ALDOA: variants seen among roughly 807,000 people sequenced by gnomAD.
ALDOA encodes fructose-bisphosphate aldolase A.
A neutral mutation model predicts 43.9 loss-of-function variants in ALDOA; 26 were observed. The observed-to-expected ratio is 0.59, with a 90% confidence interval of 0.43 to 0.82. ALDOA has a LOEUF of 0.82. Among genes scored for constraint, ALDOA ranks in the 40% least tolerant of loss-of-function variants. The pLI is 0.00. For missense variants in ALDOA, 498 were observed against 549.5 expected, an observed-to-expected ratio of 0.91 and a Z score of 0.94; for synonymous variants, 258 against 222.6, an observed-to-expected ratio of 1.16 and a Z score of -1.42.
At position 30,067,256 on chromosome 16, in the gene ALDOA, T is replaced by C. The variant is rs373517060; in HGVS notation, c.164T>C (p.Met55Thr). 1 of 1,612,214 alleles carries C rather than the reference T, an allele frequency of 6.2e-7. No individual in the cohort carries two copies. The highest frequency in any genetic ancestry group is 1.3e-5 in the African/African-American group (1 of 74,860). ...LGKELATTST[M>T]PYQYPALTPE... ...CAGGAACTTGCTACTACCAGCACCATGCCCTACCAATATCCAGCACTGACC... is the reference window on the plus strand; with the variant it reads ...CAGGAACTTGCTACTACCAGCACCACGCCCTACCAATATCCAGCACTGACC... The change falls in exon 3 of 10, where the codon ATG becomes ACG. Residue 55 changes from methionine (M) to threonine (T), a missense_variant. Physicochemically the swap from Met to Thr is moderately conservative, Grantham distance 81. Coordinates refer to ENST00000642816, the MANE Select transcript of ALDOA (RefSeq NM_001243177.4).
intron 1 of ALDOA, 142 bp from the exon 2 acceptor site, chr16:30,066,743 T>G: frequency 1.1e-6 from 1 of 902,638 alleles, no homozygotes; most frequent in Non-Finnish European, 1.7e-6. Flanking sequence ...GGTTCTAATC[T>G]CAGATCTGGC....
chr16:30,069,302 G>A lies in ALDOA; in HGVS notation c.703-4G>A, dbSNP rs375097754. On this transcript the variant is annotated splice_polypyrimidine_tract_variant and splice_region_variant and intron_variant, in intron 6 of 9. Transcript: ENST00000642816. The stretch of plus-strand genomic sequence containing the variant: ...TCACAGTGACCCTGTCCCTCGCCCT[G>A]CAGAATGGCATTGTGCCCATCGTGG... 4 of 1,614,062 alleles carry A rather than the reference G, an allele frequency of 2.5e-6. No individual in the cohort carries two copies. The African/African-American group carries it at 5.3e-5, about 22-fold the overall frequency.
upstream of ALDOA, chr16:30,064,983 G>C (rs1452128920): frequency 6.5e-6 from 1 of 153,540 alleles, no homozygotes; most frequent in African/African-American, 2.4e-5. Context: ...GGCAGGAACT[G>C]TGACCCCGCA....
intron 3 of ALDOA, 37 bp downstream of exon 3, chr16:30,067,403 G>A: frequency 6.2e-7 from 1 of 1,614,032 alleles, no homozygotes; most frequent in Non-Finnish European, 8.5e-7. Context: ...AGGGTGCAGG[G>A]TTGGGAGTGG....
chr16:30,070,077 G>T, intron 9 of ALDOA, 40 bp from the exon 10 acceptor site: 2 of 1,613,514 alleles, frequency 1.2e-6, no homozygotes, highest in South Asian at 2.2e-5. Flanking sequence ...GATGGGACTC[G>T]GAGAAGAGCC....
intron 6 of ALDOA, 88 bp from the exon 7 acceptor site, chr16:30,069,218 G>A: frequency 1.3e-6 from 2 of 1,490,374 alleles, no homozygotes; most frequent in East Asian, 4.5e-5. Context: ...GCATCATCAA[G>A]ATACGGTCTT....
In ALDOA at chr16:30,069,585, C is replaced by T; in HGVS notation, c.873C>T (p.Gly291=). The change falls in exon 8 of 10, where the codon GGC becomes GGT. Residue 291 remains glycine, a synonymous_variant. Coordinates refer to ENST00000642816, the MANE Select transcript of ALDOA (RefSeq NM_001243177.4). ...TGAAGCCCAACATGGTCACCCCAGG[C>T]CATGCTTGCACTCAGAAGTTTTCTC... is the stretch of plus-strand genomic sequence containing the variant. The part of the protein sequence containing the change: ...TLLKPNMVTP[G]HACTQKFSHE... 6.2e-7 allele frequency: 1 copy of T among 1,614,104 alleles called. No homozygotes were observed. Among genetic ancestry groups the T allele is most frequent in the Non-Finnish European group, 8.5e-7 (1 of 1,180,036 alleles).
intron 1 of ALDOA, 100 bp from the exon 2 acceptor site, chr16:30,066,785 C>T (rs896890526): frequency 1.5e-6 from 2 of 1,354,314 alleles, no homozygotes; most frequent in Non-Finnish European, 2.0e-6. Context: ...GAAGCACAGA[C>T]CTTTCCCATA....
Position 30,068,462 on chromosome 16 carries a change from A to G in ALDOA, c.487-184A>G, listed in dbSNP as rs1002327010. 11 of 697,036 alleles carry G rather than the reference A, an allele frequency of 1.6e-5. No individual in the cohort carries two copies. The Admixed American group carries it at 2.0e-4, about 13-fold the overall frequency. 43.2% of individuals were successfully genotyped at this position (697,036 alleles called of 1,614,324 possible). A position where few individuals can be genotyped will look rare whatever the true frequency, so the allele number is the denominator to read the frequency against. ...GTAAATGTGGGGGAAGACTGGGGCT[A>G]AAGAAGAGGAAAGAGGGGCACGCCC... is the stretch of plus-strand genomic sequence containing the variant. On this transcript the variant is annotated intron_variant, in intron 4 of 9. Transcript: ENST00000642816.
chr16:30,068,359 C>A, intron 4 of ALDOA: 1 of 424,822 alleles, frequency 2.4e-6, no homozygotes, highest in South Asian at 2.0e-5. Flanking sequence ...CCACCATGCC[C>A]GGCTTAAGTA....
chr16:30,065,297 G>A (rs1381566273), upstream of ALDOA, among the ~76,000 whole-genome samples: 1 of 152,210 alleles, frequency 6.6e-6, no homozygotes, highest in East Asian at 1.9e-4. Context: ...GCTAACGCAC[G>A]ACTGCGCGAT....
intron 8 of ALDOA, 54 bp downstream of exon 8, chr16:30,069,727 C>T (rs2072251651): frequency 2.5e-6 from 4 of 1,611,888 alleles, no homozygotes; most frequent in African/African-American, 2.7e-5. Context: ...CCACCCACAA[C>T]CCTATGCCCA....
At chr16:30,066,303 C>T (rs1251500716) in intron 1 of ALDOA, 6 of 152,516 alleles carry the variant, frequency 3.9e-5, no homozygotes, top group Non-Finnish European at 7.3e-5. Flanking sequence ...TGGTTTCTGT[C>T]CTGGGAAACG....
At position 30,070,000 on chromosome 16, in the gene ALDOA, G is replaced by A; in HGVS notation, c.1132G>A (p.Ala378Thr). 6.2e-7 allele frequency: 1 copy of A among 1,613,856 alleles called. No homozygotes were observed. Among genetic ancestry groups the A allele is most frequent in the Non-Finnish European group, 8.5e-7 (1 of 1,180,026 alleles). The change falls in exon 9 of 10, where the codon GCG becomes ACG. Residue 378 changes from alanine (A) to threonine (T), a missense_variant. Ala to Thr is a moderately conservative substitution (Grantham distance 58). Coordinates refer to ENST00000642816, the MANE Select transcript of ALDOA (RefSeq NM_001243177.4). The stretch of plus-strand genomic sequence containing the variant: ...CGGGAAGAAGGAGAACCTGAAGGCT[G>A]CGCAGGAGGAGTATGTCAAGCGAGC... ...WGGKKENLKAAQEEYVKRALA... is the reference protein window; with the variant it reads ...WGGKKENLKATQEEYVKRALA...
chr16:30,067,925 C>T, intron 4 of ALDOA: 1 of 537,700 alleles, frequency 1.9e-6, no homozygotes, highest in South Asian at 2.1e-5. Flanking sequence ...AGTCTGACAC[C>T]CAATTCACTC....
At chr16:30,069,706 G>C in intron 8 of ALDOA, 33 bp downstream of exon 8, 1 of 1,612,610 alleles carries the variant, frequency 6.2e-7, no homozygotes, top group Non-Finnish European at 8.5e-7. Context: ...TCTCTATGCA[G>C]TAGATAAGCT....
At chr16:30,067,849 T>A (rs897909283) in intron 4 of ALDOA, 188 bp downstream of exon 4, 1 of 700,792 alleles carries the variant, frequency 1.4e-6, no homozygotes, top group Admixed American at 2.4e-5. Flanking sequence ...ATTCCCACTT[T>A]ACACATGAAA....
At position 30,070,162 on chromosome 16, in the gene ALDOA, G is replaced by A; in HGVS notation, c.1207G>A (p.Ala403Thr). 2 of 1,614,124 alleles carry A rather than the reference G, an allele frequency of 1.2e-6. No individual in the cohort carries two copies. Among genetic ancestry groups the A allele is most frequent in the Non-Finnish European group, 1.7e-6 (2 of 1,180,036 alleles). Residue 403 changes from alanine to threonine, a missense_variant, in exon 10 of 10, where the codon GCT becomes ACT. Transcript: ENST00000642816. ...CQGKYTPSGQ[A>T]GAAASESLFV... ...AGGAAAGTACACTCCGAGCGGTCAG[G>A]CTGGGGCTGCTGCCAGCGAGTCCCT...
chr16:30,069,576 C>T lies in ALDOA; in HGVS notation c.864C>T (p.Val288=). 6.2e-7 allele frequency: 1 copy of T among 1,614,128 alleles called. No homozygotes were observed. The highest frequency in any genetic ancestry group is 8.5e-7 in the Non-Finnish European group (1 of 1,180,030). The part of the protein sequence containing the change: ...LEGTLLKPNM[V]TPGHACTQKF... Reference sequence around the variant, plus strand: ...GCACCTTGCTGAAGCCCAACATGGTCACCCCAGGCCATGCTTGCACTCAGA... The same window carrying T: ...GCACCTTGCTGAAGCCCAACATGGTTACCCCAGGCCATGCTTGCACTCAGA... Residue 288 remains valine, a synonymous_variant, in exon 8 of 10, where the codon GTC becomes GTT. Coordinates refer to ENST00000642816, the MANE Select transcript of ALDOA (RefSeq NM_001243177.4).
Sources: allele counts gnomAD v4.1 joint callset (sites outside exome capture counted in the v4.1 genomes callset), GRCh38; gene constraint gnomAD v4.1.1; transcripts MANE v1.5; gene names NCBI Gene and HGNC (gene_info 2026-07-23, HGNC 2026-07-21).